Variants in CDH4 observed in about 807,000 individuals in gnomAD.
CDH4 encodes the protein cadherin-4.
CDH4 carries 33 observed loss-of-function variants against 86.0 expected under a neutral mutation model. That is an observed-to-expected ratio of 0.38 (90% confidence interval 0.29 to 0.51). The LOEUF is 0.51. Among genes scored for constraint, CDH4 ranks in the 20% least tolerant of loss-of-function variants. The probability of loss-of-function intolerance (pLI) is 0.86; values close to 1 mark genes in which losing one functional copy is unlikely to be tolerated. For missense variants in CDH4, 1,114 were observed against 1,307.4 expected (o/e 0.85, Z 2.28); for synonymous variants, 555 against 549.4 (o/e 1.01, Z -0.14).
chr20:61,345,902 G>A (rs993255445), intron 2 of CDH4, among the ~76,000 whole-genome samples: 6 of 152,298 alleles, frequency 3.9e-5, no homozygotes, highest in Middle Eastern at 3.4e-3. Context: ...TCAGCTCTGC[G>A]TCTTCTATTC....
intron 2 of CDH4, chr20:61,599,769 G>A: frequency 2.0e-6 from 2 of 985,596 alleles, no homozygotes; most frequent in Non-Finnish European, 2.4e-6. Flanking sequence ...ACGCACTGGC[G>A]CTCTGGCTTT....
intron 2 of CDH4, among the ~76,000 whole-genome samples, chr20:61,585,068 A>G (rs1249446492): frequency 6.6e-6 from 1 of 152,234 alleles, no homozygotes; most frequent in East Asian, 1.9e-4. Flanking sequence ...CTCCACCTGC[A>G]TGTGACAGAT....
chr20:61,277,783 C>T (rs908574923), intron 2 of CDH4, among the ~76,000 whole-genome samples: 3 of 152,216 alleles, frequency 2.0e-5, no homozygotes, highest in African/African-American at 7.2e-5. Context: ...AATTGGATAA[C>T]AATGACAATT....
At chr20:61,662,196 G>A (rs1003410478) in intron 2 of CDH4, among the ~76,000 whole-genome samples, 2 of 152,130 alleles carry the variant, frequency 1.3e-5, no homozygotes, top group African/African-American at 2.4e-5. Context: ...GGTAGACCAT[G>A]CTTTGAGGGA....
chr20:61,703,369 C>T lies in CDH4; in HGVS notation c.170-40194C>T, dbSNP rs2087796197. On this transcript the variant is annotated intron_variant, in intron 2 of 15. Coordinates refer to ENST00000614565, the MANE Select transcript of CDH4 (RefSeq NM_001794.5). This position sits in a 1 kb window ranked among gnomAD's most constrained non-coding sequence, Gnocchi z 4.3. ...GAGAAAATAGGCCTGGCAGGATGGA[C>T]ACAGTTGATACTCGAGCGTGAATGG... Among the ~76,000 whole-genome samples the T allele has an allele frequency of 6.6e-6, 1 of 152,152 alleles. No homozygotes were observed.
chr20:61,936,050 A>G (rs942342781), intron 15 of CDH4, among the ~76,000 whole-genome samples: 1 of 151,990 alleles, frequency 6.6e-6, no homozygotes, highest in Non-Finnish European at 1.5e-5. Flanking sequence ...GCGGGCACTG[A>G]GGAGAGGACG....
intron 2 of CDH4, among the ~76,000 whole-genome samples, chr20:61,613,007 G>T (rs2086696958): frequency 6.6e-6 from 1 of 152,044 alleles, no homozygotes; most frequent in South Asian, 2.1e-4. Context: ...CTCCAGGAGG[G>T]CCGATAAAGG....
chr20:61,871,553 G>A (rs571893313), intron 6 of CDH4, among the ~76,000 whole-genome samples: 1 of 152,296 alleles, frequency 6.6e-6, no homozygotes, highest in South Asian at 2.1e-4. Flanking sequence ...TCACTCCTAG[G>A]GTGCTGCACT....
intron 10 of CDH4, 45 bp from the exon 11 acceptor site, chr20:61,924,288 CG>C: frequency 5.8e-6 from 9 of 1,564,404 alleles, no homozygotes; most frequent in Non-Finnish European, 7.0e-6. Context: ...AGGGCAGCCC[CG>C]CCCACCCCCA....
At chr20:61,612,476 T>G (rs1217943263) in intron 2 of CDH4, among the ~76,000 whole-genome samples, 1 of 152,114 alleles carries the variant, frequency 6.6e-6, no homozygotes. Flanking sequence ...GCTGTGCCTC[T>G]CATCCCATGT....
In CDH4 at chr20:61,392,191, GT is replaced by G. The variant is rs1309481936; in HGVS notation, c.169+137257del. Among the ~76,000 whole-genome samples the G allele has an allele frequency of 2.0e-5, 3 of 151,684 alleles. No individual in the cohort carries two copies. Among genetic ancestry groups the G allele is most frequent in the African/African-American group, 7.3e-5 (3 of 41,310 alleles). ...CACGGTCACAGGGACTCCTCCAGTGGTTTAACGTGCAGTGTGAGTGGCCTTA... is the reference window on the plus strand; with the variant it reads ...CACGGTCACAGGGACTCCTCCAGTGGTTAACGTGCAGTGTGAGTGGCCTTA... On this transcript the variant is annotated intron_variant, in intron 2 of 15. Transcript: ENST00000614565. The surrounding 1 kb of genome is among the most constrained non-coding windows in gnomAD (Gnocchi z 5.7).
At chr20:61,832,183 T>C (rs1239301877) in intron 4 of CDH4, among the ~76,000 whole-genome samples, 2 of 152,208 alleles carry the variant, frequency 1.3e-5, no homozygotes, top group Non-Finnish European at 2.9e-5. Flanking sequence ...CCACCTTCCC[T>C]ACTGAGGCAG....
At chr20:61,717,305 A>G (rs924646958) in intron 2 of CDH4, among the ~76,000 whole-genome samples, 2 of 152,204 alleles carry the variant, frequency 1.3e-5, no homozygotes, top group African/African-American at 4.8e-5. Flanking sequence ...CACAGGGTGG[A>G]CAGGACAGAG....
chr20:61,306,923 G>A (rs1453358665), intron 2 of CDH4, among the ~76,000 whole-genome samples: 1 of 152,172 alleles, frequency 6.6e-6, no homozygotes, highest in Non-Finnish European at 1.5e-5. Flanking sequence ...TCTGTGTCCT[G>A]GCTGGGCGGG....
At chr20:61,752,310 C>G (rs1600947499) in intron 3 of CDH4, among the ~76,000 whole-genome samples, 2 of 100,532 alleles carry the variant, frequency 2.0e-5, no homozygotes. Flanking sequence ...CCAGCCTGGG[C>G]AACAGAGCAA....
At chr20:61,306,934 A>G (rs1203302317) in intron 2 of CDH4, among the ~76,000 whole-genome samples, 1 of 151,904 alleles carries the variant, frequency 6.6e-6, no homozygotes, top group African/African-American at 2.4e-5. Context: ...GCTGGGCGGG[A>G]CTTCTCATTT....
intron 2 of CDH4, among the ~76,000 whole-genome samples, chr20:61,716,877 G>C (rs770953898): frequency 1.3e-5 from 2 of 152,078 alleles, no homozygotes; most frequent in South Asian, 2.1e-4. Flanking sequence ...CACTGTACTC[G>C]AGCCTGGGCA....
rs752282969 is a variant in CDH4 at position 61,519,753 on chromosome 20, GT to G, written c.170-223809del. 6.6e-5 allele frequency among the ~76,000 whole-genome samples: 10 copies of G among 152,240 alleles called. No individual in the cohort carries two copies. In the East Asian group the frequency reaches 1.7e-3, roughly 26 times the overall value. Reference sequence around the variant, plus strand: ...GTTCCTGGGCGCAGGACGCCAGTGTGTCTTCACAGGCAGACTGCGTGGTGGT... The same window carrying G: ...GTTCCTGGGCGCAGGACGCCAGTGTGCTTCACAGGCAGACTGCGTGGTGGT... On this transcript the variant is annotated intron_variant, in intron 2 of 15. Transcript: ENST00000614565.
chr20:61,762,350 T>C (rs2088644277), intron 3 of CDH4, among the ~76,000 whole-genome samples: 1 of 152,226 alleles, frequency 6.6e-6, no homozygotes, highest in Admixed American at 6.5e-5. Context: ...CTGAATTCTC[T>C]CATGATGATT....
Sources: gnomAD v4.1 joint callset for allele counts (sites outside exome capture counted in the v4.1 genomes callset) on GRCh38, gnomAD v4.1.1 for gene constraint, Gnocchi (gnomAD v3.1) non-coding constraint, MANE v1.5 for transcripts, NCBI Gene and HGNC (gene_info 2026-07-23, HGNC 2026-07-21) for gene names.